Variants in DENND2B observed in about 807,000 individuals in gnomAD.
DENND2B encodes the protein DENN domain containing 2B.
DENND2B carries 32 observed loss-of-function variants against 116.0 expected under a neutral mutation model. That is an observed-to-expected ratio of 0.28 (90% CI 0.21 to 0.37). The LOEUF is 0.37. Among genes scored for constraint, DENND2B ranks in the 10% least tolerant of loss-of-function variants. The pLI, the probability that DENND2B is intolerant of heterozygous loss-of-function variation, is 1.00. For synonymous variants in DENND2B, 588 were observed against 583.9 expected, an observed-to-expected ratio of 1.01 and a Z score of -0.10; for missense variants, 1,276 against 1,477.7, an observed-to-expected ratio of 0.86 and a Z score of 2.24.
At chr11:8,721,412 G>T (rs533860262) in intron 4 of DENND2B, among the ~76,000 whole-genome samples, 1 of 152,152 alleles carries the variant, frequency 6.6e-6, no homozygotes, top group Non-Finnish European at 1.5e-5. Flanking sequence ...GTGTGTATAC[G>T]CACAGGCACT....
At chr11:8,823,448 T>A (rs2061842758) in intron 4 of DENND2B, among the ~76,000 whole-genome samples, 1 of 152,174 alleles carries the variant, frequency 6.6e-6, no homozygotes. Context: ...CTGATATGGT[T>A]TGGCTGTGTC....
At chr11:8,880,385 A>G (rs1291147073) in intron 2 of DENND2B, among the ~76,000 whole-genome samples, 1 of 74,386 alleles carries the variant, frequency 1.3e-5, no homozygotes, top group African/African-American at 4.6e-5. Context: ...GTGTGTGTGT[A>G]GTTTTTACTA....
intron 4 of DENND2B, among the ~76,000 whole-genome samples, chr11:8,725,381 T>TAC (rs2046921928): frequency 6.6e-6 from 1 of 151,904 alleles, no homozygotes; most frequent in Non-Finnish European, 1.5e-5. Flanking sequence ...ATTACTTTTT[T>TAC]TTTTTTTTTT....
In DENND2B at chr11:8,698,985, G is replaced by A. The variant is rs755324237; in HGVS notation, c.2899-11C>T. ...ATTCACCATCAGCGCCTGAGAAAAG[G>A]AGTCATTAGCAGAGTGGCTCAGGGC... is the stretch of plus-strand genomic sequence containing the variant. On this transcript the variant is annotated splice_polypyrimidine_tract_variant and intron_variant, in intron 15 of 19. Transcript: ENST00000313726. 5 of 1,614,120 alleles carry A rather than the reference G, an allele frequency of 3.1e-6. No individual in the cohort carries two copies. The South Asian group carries it at 5.5e-5, about 18-fold the overall frequency.
chr11:8,841,704 T>G (rs2062629171), intron 3 of DENND2B, among the ~76,000 whole-genome samples: 1 of 152,202 alleles, frequency 6.6e-6, no homozygotes, highest in South Asian at 2.1e-4. Context: ...TTCTCCCATT[T>G]TCCTTCATTG....
chr11:8,759,673 T>A (rs2054242688), intron 1 of DENND2B, among the ~76,000 whole-genome samples: 1 of 152,186 alleles, frequency 6.6e-6, no homozygotes, highest in Non-Finnish European at 1.5e-5. Context: ...AGTGACAGTA[T>A]AGTGACCCAA....
chr11:8,696,707 C>T (rs1408947716), intron 17 of DENND2B, 41 bp from the exon 18 acceptor site: 3 of 1,602,686 alleles, frequency 1.9e-6, no homozygotes, highest in Non-Finnish European at 2.6e-6. Flanking sequence ...AGGTCAAGAG[C>T]CTGCAAAGCC....
chr11:8,751,914 C>A (rs534284214), intron 1 of DENND2B, among the ~76,000 whole-genome samples: 1 of 152,220 alleles, frequency 6.6e-6, no homozygotes, highest in African/African-American at 2.4e-5. Context: ...ACTTCCTTTT[C>A]TTAAAAAGAA....
At chr11:8,797,449 T>C in intron 1 of DENND2B, among the ~76,000 whole-genome samples, 1 of 109,786 alleles carries the variant, frequency 9.1e-6, no homozygotes, top group South Asian at 3.7e-4. Flanking sequence ...TTCTTCCCCC[T>C]TCTTCCTCCT....
At chr11:8,821,406 T>C (rs1428680222) in intron 4 of DENND2B, among the ~76,000 whole-genome samples, 2 of 148,692 alleles carry the variant, frequency 1.3e-5, no homozygotes, top group Non-Finnish European at 3.0e-5. Flanking sequence ...CTGGGCAACA[T>C]AGAGACCTTG....
chr11:8,745,874 C>T (rs1392630781), intron 2 of DENND2B, among the ~76,000 whole-genome samples: 5 of 152,238 alleles, frequency 3.3e-5, no homozygotes, highest in African/African-American at 1.2e-4. Flanking sequence ...ATTTCAGCCC[C>T]TAGCCATTGA....
chr11:8,850,500 C>T (rs1002641252), intron 3 of DENND2B, among the ~76,000 whole-genome samples: 3 of 152,050 alleles, frequency 2.0e-5, no homozygotes, highest in African/African-American at 7.2e-5. Flanking sequence ...CGAGATAACA[C>T]CTCACACCTA....
chr11:8,903,745 GC>G (rs1219781173), intron 1 of DENND2B, among the ~76,000 whole-genome samples: 1 of 151,678 alleles, frequency 6.6e-6, no homozygotes, highest in Non-Finnish European at 1.5e-5. Flanking sequence ...AATTAGGTGG[GC>G]CTAGTGGTGA....
chr11:8,719,260 T>C, intron 4 of DENND2B: 2 of 972,364 alleles, frequency 2.1e-6, no homozygotes, highest in Non-Finnish European at 2.4e-6. Flanking sequence ...AAAGTGGAGC[T>C]CCCTCCACAT....
chr11:8,778,666 G>A (rs951071951), intron 1 of DENND2B, among the ~76,000 whole-genome samples: 1 of 152,230 alleles, frequency 6.6e-6, no homozygotes. Flanking sequence ...CACGTACCCG[G>A]GGGCTGGGAG....
chr11:8,819,563 T>A (rs974964215), intron 4 of DENND2B, among the ~76,000 whole-genome samples: 8 of 152,180 alleles, frequency 5.3e-5, no homozygotes, highest in Non-Finnish European at 1.0e-4. Context: ...AATAAAGACA[T>A]AATGACACCA....
intron 2 of DENND2B, among the ~76,000 whole-genome samples, chr11:8,738,101 T>C (rs915960950): frequency 1.3e-5 from 2 of 152,150 alleles, no homozygotes; most frequent in Non-Finnish European, 2.9e-5. Flanking sequence ...TCAGTGCAGA[T>C]ACAGAGGGCA....
At chr11:8,694,199 T>G in intron 19 of DENND2B, 69 bp from the exon 20 acceptor site, 2 of 1,568,800 alleles carry the variant, frequency 1.3e-6, no homozygotes, top group Admixed American at 1.7e-5. Context: ...CCTCTCCTCC[T>G]TGTAGCCCTA....
At chr11:8,718,218 G>C (rs886666112) in intron 4 of DENND2B, 2 of 862,108 alleles carry the variant, frequency 2.3e-6, no homozygotes, top group African/African-American at 3.3e-5. Flanking sequence ...AGAGGACAAA[G>C]CCAGCAACAA....
Sources: allele counts gnomAD v4.1 joint callset (sites outside exome capture counted in the v4.1 genomes callset), GRCh38; gene constraint gnomAD v4.1.1; transcripts MANE v1.5; gene names NCBI Gene and HGNC (gene_info 2026-07-23, HGNC 2026-07-21).